RARS1: variants seen among roughly 807,000 people sequenced by gnomAD.
The protein encoded by RARS1 is arginyl-tRNA synthetase 1.
A neutral mutation model predicts 78.7 loss-of-function variants in RARS1; 75 were observed. That is an observed-to-expected ratio of 0.95 (90% confidence interval 0.79 to 1.15). The LOEUF is 1.15. Among genes scored for constraint, RARS1 ranks in the 50% most tolerant of loss-of-function variants. The probability of loss-of-function intolerance (pLI) is 0.00; values close to 1 mark genes in which losing one functional copy is unlikely to be tolerated. For synonymous variants in RARS1, 273 were observed against 268.2 expected, an observed-to-expected ratio of 1.02 and a Z score of -0.18; for missense variants, 787 against 787.5, an observed-to-expected ratio of 1.00 and a Z score of 0.01.
Position 168,518,010 on chromosome 5 carries a change from T to C in RARS1, c.1821T>C (p.Ala607=). ...ATTATATATATGAGCTGGCAACTGC[T>C]TTCACAGAGTTCTATGATAGCTGCT... is the stretch of plus-strand genomic sequence containing the variant. ...LCDYIYELAT[A]FTEFYDSCYC... Residue 607 remains alanine (A), a synonymous_variant, in exon 14 of 15, where the codon GCT becomes GCC. Transcript: ENST00000231572. 1 of 1,610,026 alleles carries C rather than the reference T, an allele frequency of 6.2e-7. No homozygotes were observed. Among genetic ancestry groups the C allele is most frequent in the Non-Finnish European group, 8.5e-7 (1 of 1,178,380 alleles).
At chr5:168,487,202 A>G (rs564420600) in intron 1 of RARS1, among the ~76,000 whole-genome samples, 6 of 144,392 alleles carry the variant, frequency 4.2e-5, no homozygotes, top group South Asian at 4.5e-4. Flanking sequence ...CTCTACTGAA[A>G]ATACAAAAAA....
Position 168,517,877 on chromosome 5 carries a change from A to G in RARS1, c.1688A>G (p.Lys563Arg), listed in dbSNP as rs1758703871. Residue 563 changes from lysine (K) to arginine (R), a missense_variant, in exon 14 of 15, where the codon AAG (lysine) becomes AGG (arginine). By Grantham distance (26) the Lys-to-Arg change is conservative. Coordinates refer to ENST00000231572, the MANE Select transcript of RARS1 (RefSeq NM_002887.4). The part of the protein sequence containing the change: ...EMLQKAARET[K>R]ILLDHEKEWK... ...CTCCAAAAAGCTGCTCGAGAAACCA[A>G]GATTCTTTTGGATCATGAGAAGGAA... is the stretch of plus-strand genomic sequence containing the variant. 6.2e-7 allele frequency: 1 copy of G among 1,613,842 alleles called. No homozygotes were observed. The highest frequency in any genetic ancestry group is 8.5e-7 in the Non-Finnish European group (1 of 1,180,002).
Position 168,518,077 on chromosome 5 carries a change from T to TTTTTTTTTTTTTTTTTTC in RARS1, c.1873+32_1873+33insCTTTTTTTTTTTTTTTTT. On this transcript the variant is annotated intron_variant, in intron 14 of 14. Transcript: ENST00000231572. ...TAGACAGACTGGTGAGTGTCTTTTT[T>TTTTTTTTTTTTTTTTTTC]TTTTTTTTTTTTTTTTTTAGTGAGA... 2 of 1,353,310 alleles carry TTTTTTTTTTTTTTTTTTC rather than the reference T, an allele frequency of 1.5e-6. 1 individual carries two copies. Among genetic ancestry groups the TTTTTTTTTTTTTTTTTTC allele is most frequent in the Non-Finnish European group, 1.9e-6 (2 of 1,043,598 alleles). The allele number at this position is 1,353,310 out of a possible 1,614,324, so 83.8% of individuals were successfully genotyped here. A position where few individuals can be genotyped will look rare whatever the true frequency, so the allele number is the denominator to read the frequency against.
At chr5:168,509,352 CTT>C in intron 11 of RARS1, among the ~76,000 whole-genome samples, 1 of 150,978 alleles carries the variant, frequency 6.6e-6, no homozygotes, top group Admixed American at 6.6e-5. Context: ...GGAAATAAAA[CTT>C]TAACAGAAAG....
chr5:168,497,060 T>G, intron 6 of RARS1, 168 bp from the exon 7 acceptor site: 1 of 476,654 alleles, frequency 2.1e-6, no homozygotes, highest in Non-Finnish European at 3.5e-6. Context: ...TCATCTCTTG[T>G]GGAGTTTGCA....
intron 7 of RARS1, 86 bp from the exon 8 acceptor site, chr5:168,500,505 G>A: frequency 7.9e-7 from 1 of 1,257,872 alleles, no homozygotes; most frequent in Non-Finnish European, 1.0e-6. Flanking sequence ...GTGTTTGTGT[G>A]TGTAGAAATG....
At chr5:168,503,103 G>A (rs1281257581) in intron 9 of RARS1, among the ~76,000 whole-genome samples, 1 of 152,172 alleles carries the variant, frequency 6.6e-6, no homozygotes, top group Non-Finnish European at 1.5e-5. Context: ...TTGCAAGAAT[G>A]CAGGCAATGA....
intron 9 of RARS1, among the ~76,000 whole-genome samples, chr5:168,503,393 G>A (rs771427631): frequency 2.6e-5 from 4 of 152,204 alleles, no homozygotes. Context: ...AACAGGTAGG[G>A]TAGTAGAAGT....
In RARS1 at chr5:168,516,191, ACC is replaced by A. The variant is rs1454406275; in HGVS notation, c.1453-585_1453-584del. Among the ~76,000 whole-genome samples, 1,214 of 152,214 alleles carry A rather than the reference ACC, an allele frequency of 8.0e-3. 15 individuals carry two copies. The highest frequency in any genetic ancestry group is 0.028 in the African/African-American group (1,154 of 41,542). Reference sequence around the variant, plus strand: ...TTCAACCAGTTGTTTCATATGTTTAACCCAGCTTTTAAATAGTTGCTTTTGGT... The same window carrying A: ...TTCAACCAGTTGTTTCATATGTTTAACAGCTTTTAAATAGTTGCTTTTGGT... On this transcript the variant is annotated intron_variant, in intron 12 of 14. Coordinates refer to ENST00000231572, the MANE Select transcript of RARS1 (RefSeq NM_002887.4).
chr5:168,508,170 T>C (rs1039058526), intron 11 of RARS1, among the ~76,000 whole-genome samples: 4 of 152,216 alleles, frequency 2.6e-5, no homozygotes, highest in South Asian at 2.1e-4. Flanking sequence ...ATTTAGATGA[T>C]ATTCTGACAC....
At chr5:168,501,187 G>GTAAA (rs1052076027) in intron 8 of RARS1, among the ~76,000 whole-genome samples, 1 of 152,244 alleles carries the variant, frequency 6.6e-6, no homozygotes, top group Non-Finnish European at 1.5e-5. Context: ...TCTTTGAAGA[G>GTAAA]TAAATGGGTA....
chr5:168,496,232 A>C (rs1441106130), intron 6 of RARS1, among the ~76,000 whole-genome samples: 1 of 151,688 alleles, frequency 6.6e-6, no homozygotes, highest in East Asian at 2.0e-4. Context: ...TACAAAAATT[A>C]GCTGGGTGTG....
intron 12 of RARS1, among the ~76,000 whole-genome samples, chr5:168,511,081 G>A (rs1758554919): frequency 1.3e-5 from 2 of 152,052 alleles, no homozygotes; most frequent in South Asian, 4.1e-4. Flanking sequence ...TGCCACCCAA[G>A]GCCATTGATG....
intron 11 of RARS1, among the ~76,000 whole-genome samples, chr5:168,508,619 CAAA>C (rs34579916): frequency 0.013 from 818 of 61,150 alleles, 5 homozygotes; most frequent in African/African-American, 0.049. Context: ...GACTCTGTCT[CAAA>C]AAAAAAAAAA....
At chr5:168,509,931 ACTT>A (rs1758533624) in intron 11 of RARS1, among the ~76,000 whole-genome samples, 1 of 152,160 alleles carries the variant, frequency 6.6e-6, no homozygotes. Flanking sequence ...TGGTCATACT[ACTT>A]CACTCCAGCC....
chr5:168,516,974 T>G, intron 13 of RARS1, 24 bp downstream of exon 13: 1 of 1,597,644 alleles, frequency 6.3e-7, no homozygotes. Context: ...GGCATTGTTT[T>G]ATTGTGAATC....
At chr5:168,500,525 T>G (rs1457129294) in intron 7 of RARS1, 66 bp from the exon 8 acceptor site, 2 of 1,335,064 alleles carry the variant, frequency 1.5e-6, no homozygotes, top group African/African-American at 3.1e-5. Context: ...GTGTAAGTTC[T>G]TTTTCTAGAA....
chr5:168,505,199 A>G (rs1758411384), intron 9 of RARS1, among the ~76,000 whole-genome samples: 1 of 152,150 alleles, frequency 6.6e-6, no homozygotes, highest in South Asian at 2.1e-4. Context: ...AACTGTAAGA[A>G]AGCATAGAGT....
intron 12 of RARS1, among the ~76,000 whole-genome samples, chr5:168,516,349 T>C (rs985939121): frequency 6.6e-6 from 1 of 152,230 alleles, no homozygotes; most frequent in African/African-American, 2.4e-5. Context: ...GGTTCTTTTA[T>C]CTACTCTTAA....
Sources: gnomAD v4.1 joint callset for allele counts (sites outside exome capture counted in the v4.1 genomes callset) on GRCh38, gnomAD v4.1.1 for gene constraint, MANE v1.5 for transcripts, NCBI Gene and HGNC (gene_info 2026-07-23, HGNC 2026-07-21) for gene names.